The following SPTBN1 variants were observed in gnomAD, a reference collection of about 807,000 sequenced individuals.
SPTBN1 encodes spectrin beta, non-erythrocytic 1, also known as spectrin beta chain, non-erythrocytic 1.
Under a neutral mutation model 266.4 loss-of-function variants are expected in SPTBN1, and 32 were observed. That is an observed-to-expected ratio of 0.12 (90% CI 0.09 to 0.16). The LOEUF is 0.16. Among genes scored for constraint, SPTBN1 ranks in the 10% least tolerant of loss-of-function variants. The pLI, the probability that SPTBN1 is intolerant of heterozygous loss-of-function variation, is 1.00. For missense variants in SPTBN1, 2,296 were observed against 3,067.1 expected, an observed-to-expected ratio of 0.75 and a Z score of 5.94; for synonymous variants, 1,336 against 1,162.2, an observed-to-expected ratio of 1.15 and a Z score of -3.04.
chr2:54,494,424 G>C (rs536874602), intron 1 of SPTBN1, among the ~76,000 whole-genome samples: 3 of 151,844 alleles, frequency 2.0e-5, no homozygotes, highest in Non-Finnish European at 2.9e-5. Context: ...ACACATATTC[G>C]TACAAAAAAA....
intron 12 of SPTBN1, among the ~76,000 whole-genome samples, chr2:54,627,284 C>G (rs1678410949): frequency 1.3e-5 from 2 of 152,194 alleles, no homozygotes; most frequent in South Asian, 4.1e-4. Flanking sequence ...AGGGACTTTT[C>G]ATTTTATAAA....
chr2:54,502,053 A>G (rs777474926), intron 1 of SPTBN1, among the ~76,000 whole-genome samples: 1 of 152,226 alleles, frequency 6.6e-6, no homozygotes, highest in Non-Finnish European at 1.5e-5. Context: ...TCCAAATGCT[A>G]AACTCTGAGA....
At chr2:54,627,979 T>C (rs1438835684) in intron 12 of SPTBN1, 118 bp from the exon 13 acceptor site, 3 of 1,233,556 alleles carry the variant, frequency 2.4e-6, no homozygotes, top group Non-Finnish European at 3.3e-6. Context: ...GTGGGGTCCA[T>C]GGCAGACTAG....
chr2:54,487,832 C>CTCTTT lies in SPTBN1; in HGVS notation c.-48+31315_-48+31316insCTTTT, dbSNP rs1426296541. Among the ~76,000 whole-genome samples the CTCTTT allele has an allele frequency of 8.6e-4, 59 of 68,648 alleles. 8 individuals are homozygous for CTCTTT. The South Asian group carries it at 0.033, about 39-fold the overall frequency. The allele number at this position is 68,648 out of a possible 152,430, so 45.0% of individuals were successfully genotyped here. A position where few individuals can be genotyped will look rare whatever the true frequency, so the allele number is the denominator to read the frequency against. Reference sequence around the variant, plus strand: ...TTCACTTGATGGTCTCCTCCTGTGTCTTTTTTTTTTTTTTTGAGACGGAGT... The same window carrying CTCTTT: ...TTCACTTGATGGTCTCCTCCTGTGTCTCTTTTTTTTTTTTTTTTTTGAGACGGAGT... On this transcript the variant is annotated intron_variant, in intron 1 of 35. Transcript: ENST00000356805.
intron 2 of SPTBN1, among the ~76,000 whole-genome samples, chr2:54,553,675 C>G (rs758805078): frequency 5.9e-5 from 9 of 152,180 alleles, no homozygotes; most frequent in Admixed American, 1.3e-4. Context: ...TCCCTGTTCC[C>G]ATCACTTCTT....
intron 4 of SPTBN1, 64 bp downstream of exon 4, chr2:54,612,398 T>G (rs778800472): frequency 9.9e-6 from 15 of 1,522,792 alleles, no homozygotes; most frequent in South Asian, 2.6e-5. Context: ...AGCATTGTTA[T>G]AGAGCTGGCC....
intron 1 of SPTBN1, 73 bp from the exon 2 acceptor site, chr2:54,526,299 C>G (rs1418264417): frequency 1.6e-6 from 2 of 1,268,010 alleles, no homozygotes; most frequent in Non-Finnish European, 1.1e-6. Flanking sequence ...TCTGCTCACT[C>G]TTATCCCAGT....
intron 1 of SPTBN1, among the ~76,000 whole-genome samples, chr2:54,492,966 C>T (rs1259776579): frequency 6.7e-6 from 1 of 148,902 alleles, no homozygotes; most frequent in African/African-American, 2.5e-5. Context: ...AAATCTAATC[C>T]TTTTTTAAAG....
At chr2:54,502,239 C>G (rs1165301918) in intron 1 of SPTBN1, among the ~76,000 whole-genome samples, 1 of 152,068 alleles carries the variant, frequency 6.6e-6, no homozygotes, top group African/African-American at 2.4e-5. Context: ...CACCCTTGCT[C>G]TCATCTGGAA....
chr2:54,490,101 G>A (rs1206660699), intron 1 of SPTBN1, among the ~76,000 whole-genome samples: 2 of 149,156 alleles, frequency 1.3e-5, no homozygotes, highest in African/African-American at 4.9e-5. Context: ...TTTTTTGTGA[G>A]GCGGAGTTGC....
intron 2 of SPTBN1, among the ~76,000 whole-genome samples, chr2:54,559,378 G>A (rs907914841): frequency 1.3e-5 from 2 of 152,170 alleles, no homozygotes; most frequent in African/African-American, 4.8e-5. Flanking sequence ...TTTTTATTCA[G>A]AAGCTTAATT....
chr2:54,590,405 T>C (rs1413023656), intron 2 of SPTBN1, among the ~76,000 whole-genome samples: 2 of 152,266 alleles, frequency 1.3e-5, no homozygotes, highest in Admixed American at 1.3e-4. Context: ...GGAGGTTTGC[T>C]GACTCATTGA....
In SPTBN1 at chr2:54,563,593, C is replaced by CTTT. The variant is rs750173696; in HGVS notation, c.149-35473_149-35471dup. On this transcript the variant is annotated intron_variant, in intron 2 of 35. Coordinates refer to ENST00000356805, the MANE Select transcript of SPTBN1 (RefSeq NM_003128.3). ...CTCTGAATCATGAAGAAAATTTATT[C>CTTT]TTTTTTTTTTTTTTTTTTTTTTTTT... Among the ~76,000 whole-genome samples, 33 of 64,452 alleles carry CTTT rather than the reference C, an allele frequency of 5.1e-4. 1 individual carries two copies. The highest frequency in any genetic ancestry group is 1.5e-3 in the African/African-American group (23 of 15,490). The allele number at this position is 64,452 out of a possible 152,430, so 42.3% of individuals were successfully genotyped here. A position where few individuals can be genotyped will look rare whatever the true frequency, so the allele number is the denominator to read the frequency against.
intron 1 of SPTBN1, among the ~76,000 whole-genome samples, chr2:54,462,473 CATTAAGCATTT>C (rs1309909779): frequency 3.9e-5 from 6 of 152,118 alleles, no homozygotes; most frequent in Admixed American, 3.9e-4. Context: ...TTCTTTTGAC[CATTAAGCATTT>C]ATAGTATTAA....
At chr2:54,635,339 TTC>T (rs1382578228) in intron 17 of SPTBN1, among the ~76,000 whole-genome samples, 1 of 152,226 alleles carries the variant, frequency 6.6e-6, no homozygotes, top group African/African-American at 2.4e-5. Context: ...TTTAAGCGTC[TTC>T]TGAGTCAGCG....
intron 1 of SPTBN1, among the ~76,000 whole-genome samples, chr2:54,466,142 C>T (rs1693620414): frequency 6.6e-6 from 1 of 152,104 alleles, no homozygotes; most frequent in African/African-American, 2.4e-5. Context: ...TATCTCTGCT[C>T]TAGAATCGAG....
At chr2:54,480,115 C>T (rs527452318) in intron 1 of SPTBN1, among the ~76,000 whole-genome samples, 141 of 152,276 alleles carry the variant, frequency 9.3e-4, no homozygotes, top group Non-Finnish European at 1.6e-3. Flanking sequence ...GTATATGTGG[C>T]ACTTAATTAT....
intron 2 of SPTBN1, among the ~76,000 whole-genome samples, chr2:54,568,970 A>T (rs1673861829): frequency 6.6e-6 from 1 of 152,250 alleles, no homozygotes; most frequent in South Asian, 2.1e-4. Context: ...AGTTTCATGC[A>T]CATCAAACTT....
Position 54,628,500 on chromosome 2 carries a change from T to G in SPTBN1, c.1798+250T>G, listed in dbSNP as rs901452610. Among the ~76,000 whole-genome samples the G allele has an allele frequency of 6.6e-6, 1 of 152,224 alleles. No homozygotes were observed. The highest frequency in any genetic ancestry group is 2.4e-5 in the African/African-American group (1 of 41,460). On this transcript the variant is annotated intron_variant, in intron 13 of 35. Transcript: ENST00000356805. This position sits in a 1 kb window ranked among gnomAD's most constrained non-coding sequence, Gnocchi z 4.3. The stretch of plus-strand genomic sequence containing the variant: ...TGGCTTGGTGTTTGGCAGTGAGACT[T>G]TGTCATACCTCAGTCTCTCTGGCCA...
Sources: gnomAD v4.1 joint callset for allele counts (sites outside exome capture counted in the v4.1 genomes callset) on GRCh38, gnomAD v4.1.1 for gene constraint, Gnocchi (gnomAD v3.1) non-coding constraint, MANE v1.5 for transcripts, NCBI Gene and HGNC (gene_info 2026-07-23, HGNC 2026-07-21) for gene names.